PI4KA: variants seen among roughly 807,000 people sequenced by gnomAD.
The protein encoded by PI4KA is phosphatidylinositol 4-kinase alpha, also known as PI4-kinase alpha.
In PI4KA, 122 loss-of-function variants were observed where a neutral mutation model predicts 271.4. The ratio of observed to expected loss-of-function variants is 0.45; its 90% CI spans 0.39 to 0.52. PI4KA has a LOEUF of 0.52. Ranked by LOEUF, PI4KA falls within the 20% of genes least tolerant of loss-of-function variation. PI4KA has a pLI of 0.00. For synonymous variants in PI4KA, 1,041 were observed against 1,078.8 expected, an observed-to-expected ratio of 0.96 and a Z score of 0.69; for missense variants, 1,969 against 2,769.1, an observed-to-expected ratio of 0.71 and a Z score of 6.48.
chr22:20,811,706 T>G (rs920532777), intron 8 of PI4KA, among the ~76,000 whole-genome samples: 1 of 147,252 alleles, frequency 6.8e-6, no homozygotes, highest in Non-Finnish European at 1.5e-5. Context: ...GGAAAAGAAA[T>G]GAAAAACCGC....
At chr22:20,817,794 C>T (rs1164706944) in intron 7 of PI4KA, among the ~76,000 whole-genome samples, 1 of 107,086 alleles carries the variant, frequency 9.3e-6, no homozygotes, top group East Asian at 3.2e-4. Flanking sequence ...AGTATTACTA[C>T]ATTCTTTAAT....
intron 32 of PI4KA, 141 bp downstream of exon 32, chr22:20,742,087 G>A (rs919302707): frequency 3.8e-6 from 3 of 793,540 alleles, no homozygotes; most frequent in Non-Finnish European, 4.0e-6. Flanking sequence ...TATAATAATA[G>A]AATCTGTAAG....
chr22:20,793,184 A>G lies in PI4KA; in HGVS notation c.2328+9T>C. 4 of 1,488,300 alleles carry G rather than the reference A, an allele frequency of 2.7e-6. No homozygotes were observed. Among genetic ancestry groups the G allele is most frequent in the Non-Finnish European group, 3.8e-6 (4 of 1,065,248 alleles). 92.2% of individuals were successfully genotyped at this position (1,488,300 alleles called of 1,614,324 possible). On this transcript the variant is annotated intron_variant, in intron 19 of 54. Transcript: ENST00000255882. The stretch of plus-strand genomic sequence containing the variant: ...TGCAGTTTTTATCATTCAATTAATG[A>G]ATACTCACCACAGCTATTACAGGAA...
chr22:20,848,359 CT>C (rs1411577160), intron 1 of PI4KA, among the ~76,000 whole-genome samples: 2 of 152,040 alleles, frequency 1.3e-5, no homozygotes, highest in Non-Finnish European at 2.9e-5. Context: ...CATGCTAACC[CT>C]AAAATTTCCA....
chr22:20,765,351 G>T, intron 20 of PI4KA, 115 bp from the exon 21 acceptor site: 1 of 1,161,294 alleles, frequency 8.6e-7, no homozygotes, highest in Non-Finnish European at 1.2e-6. Flanking sequence ...CCAAAAACTA[G>T]GCACAGAAAC....
intron 1 of PI4KA, among the ~76,000 whole-genome samples, chr22:20,856,819 A>G (rs178066): frequency 0.38 from 57,795 of 152,070 alleles, 11,475 homozygotes; most frequent in African/African-American, 0.48. Context: ...ACTAGTGAAC[A>G]TGGCTGAAGA....
chr22:20,733,725 T>C lies in PI4KA; in HGVS notation c.4160+11A>G. On this transcript the variant is annotated intron_variant, in intron 35 of 54. Transcript: ENST00000255882. ...TCCCTGGACGCTGCACAGCACATCT[T>C]GGGGGAGTACCTGAAGTAGTCAAAG... is the stretch of plus-strand genomic sequence containing the variant. 6.2e-7 allele frequency: 1 copy of C among 1,613,800 alleles called. No homozygotes were observed.
At position 20,752,863 on chromosome 22, in the gene PI4KA, T is replaced by C. The variant is rs751634470; in HGVS notation, c.2987+40A>G. 1.1e-5 allele frequency: 18 copies of C among 1,597,578 alleles called. No homozygotes were observed. The South Asian group carries it at 1.5e-4, about 14-fold the overall frequency. ...CAGCATTTGAAATCACAGAAGTTTA[T>C]ATACATACACACAAAACATTAGCAG... On this transcript the variant is annotated intron_variant, in intron 25 of 54. Transcript: ENST00000255882.
At chr22:20,789,379 G>T (rs1173901426) in intron 19 of PI4KA, among the ~76,000 whole-genome samples, 4 of 152,038 alleles carry the variant, frequency 2.6e-5, no homozygotes, top group African/African-American at 7.2e-5. Context: ...GCCCAGGCTG[G>T]AGTGCAATGG....
At chr22:20,748,173 G>A (rs1396462423) in intron 28 of PI4KA, among the ~76,000 whole-genome samples, 3 of 152,244 alleles carry the variant, frequency 2.0e-5, no homozygotes, top group East Asian at 1.9e-4. Context: ...GCCCCTCTAT[G>A]ACCAGCTACT....
At chr22:20,747,848 C>T (rs1485765453) in intron 28 of PI4KA, 146 bp from the exon 29 acceptor site, 38 of 742,354 alleles carry the variant, frequency 5.1e-5, no homozygotes, top group Admixed American at 1.6e-4. Context: ...CATCCTCCCG[C>T]CTCAGCTTCC....
In PI4KA at chr22:20,793,301, A is replaced by G. The variant is rs553773910; in HGVS notation, c.2278-58T>C. 177 of 983,350 alleles carry G rather than the reference A, an allele frequency of 1.8e-4. No individual in the cohort carries two copies. The African/African-American group carries it at 2.5e-3, about 14-fold the overall frequency. 60.9% of individuals were successfully genotyped at this position (983,350 alleles called of 1,614,324 possible). On this transcript the variant is annotated intron_variant, in intron 18 of 54. Coordinates refer to ENST00000255882, the MANE Select transcript of PI4KA (RefSeq NM_058004.4). Reference sequence around the variant, plus strand: ...GTATGTGTTTCTTTTATTAAAAAAAAAAAACACAAGATACAACATAGTGTT... The same window carrying G: ...GTATGTGTTTCTTTTATTAAAAAAAGAAAACACAAGATACAACATAGTGTT...
intron 19 of PI4KA, among the ~76,000 whole-genome samples, chr22:20,771,565 CTTTA>C (rs361642): frequency 0.4 from 59,346 of 147,052 alleles, 12,884 homozygotes; most frequent in African/African-American, 0.56. Flanking sequence ...AATATGTTGG[CTTTA>C]TTTATTTATT....
At chr22:20,842,993 G>T (rs1363034830) in intron 1 of PI4KA, among the ~76,000 whole-genome samples, 2 of 151,392 alleles carry the variant, frequency 1.3e-5, no homozygotes, top group Non-Finnish European at 2.9e-5. Context: ...AGCTACTTGG[G>T]AGGCTGAGGC....
chr22:20,824,066 T>C (rs1923057362), intron 4 of PI4KA, among the ~76,000 whole-genome samples: 1 of 151,260 alleles, frequency 6.6e-6, no homozygotes, highest in Middle Eastern at 3.2e-3. Context: ...AAAGGGATAG[T>C]GCTGCTCATG....
At chr22:20,720,899 C>A (rs879885477) in intron 43 of PI4KA, among the ~76,000 whole-genome samples, 2 of 152,220 alleles carry the variant, frequency 1.3e-5, no homozygotes, top group Non-Finnish European at 2.9e-5. Context: ...CATTAAACAG[C>A]GCTCTTTGAG....
intron 28 of PI4KA, among the ~76,000 whole-genome samples, chr22:20,748,054 G>A (rs919230571): frequency 1.3e-5 from 2 of 152,142 alleles, no homozygotes; most frequent in Non-Finnish European, 2.9e-5. Flanking sequence ...TCATTTAAAG[G>A]GGAAAATAAA....
At chr22:20,853,004 A>G (rs544457213) in intron 1 of PI4KA, among the ~76,000 whole-genome samples, 1 of 152,218 alleles carries the variant, frequency 6.6e-6, no homozygotes, top group Admixed American at 6.5e-5. Flanking sequence ...TGGGCGGCCA[A>G]GAAAAGAGAA....
At chr22:20,742,855 C>T in intron 30 of PI4KA, 91 bp from the exon 31 acceptor site, 1 of 1,205,194 alleles carries the variant, frequency 8.3e-7, no homozygotes, top group South Asian at 1.3e-5. Context: ...TGTGGTGGCA[C>T]TGGTGGGTGC....
Sources: gnomAD v4.1 joint callset for allele counts (sites outside exome capture counted in the v4.1 genomes callset) on GRCh38, gnomAD v4.1.1 for gene constraint, MANE v1.5 for transcripts, NCBI Gene and HGNC (gene_info 2026-07-23, HGNC 2026-07-21) for gene names.